The following TIMMDC1 variants were observed in gnomAD, a reference collection of about 807,000 sequenced individuals.
TIMMDC1 encodes translocase of inner mitochondrial membrane domain containing 1, also known as complex I assembly factor TIMMDC1, mitochondrial.
TIMMDC1 carries 25 observed loss-of-function variants against 32.6 expected under a neutral mutation model. The ratio of observed to expected loss-of-function variants is 0.77; its 90% CI spans 0.56 to 1.07. TIMMDC1 has a LOEUF of 1.07. Among genes scored for constraint, TIMMDC1 ranks in the 50% least tolerant of loss-of-function variants. TIMMDC1 has a pLI of 0.00. For synonymous variants in TIMMDC1, 130 were observed against 127.6 expected, an observed-to-expected ratio of 1.02 and a Z score of -0.13; for missense variants, 329 against 349.2, an observed-to-expected ratio of 0.94 and a Z score of 0.46.
intron 5 of TIMMDC1, among the ~76,000 whole-genome samples, chr3:119,514,900 T>C (rs2081975305): frequency 6.6e-6 from 1 of 152,120 alleles, no homozygotes; most frequent in Admixed American, 6.6e-5. Flanking sequence ...CAGAATTTAG[T>C]TCCTTGTGGC....
intron 1 of TIMMDC1, among the ~76,000 whole-genome samples, chr3:119,499,365 G>C (rs1039593745): frequency 2.7e-5 from 4 of 150,346 alleles, no homozygotes; most frequent in Non-Finnish European, 5.9e-5. Context: ...CTCCCAAAGT[G>C]CTGGGATTAC....
intron 2 of TIMMDC1, among the ~76,000 whole-genome samples, chr3:119,503,204 G>A (rs982770355): frequency 2.0e-5 from 3 of 152,064 alleles, no homozygotes; most frequent in African/African-American, 7.2e-5. Context: ...CGGTTTTTTG[G>A]ATTTGGGATG....
At chr3:119,503,737 C>CT in intron 3 of TIMMDC1, 117 bp downstream of exon 3, 1 of 734,036 alleles carries the variant, frequency 1.4e-6, no homozygotes. Flanking sequence ...ATTAATAATG[C>CT]CTTTTTTTTT....
intron 2 of TIMMDC1, 92 bp from the exon 3 acceptor site, chr3:119,503,440 C>T: frequency 3.4e-6 from 3 of 879,500 alleles, no homozygotes; most frequent in South Asian, 1.8e-5. Flanking sequence ...GTGTACCTGA[C>T]TAATCCATAG....
At chr3:119,514,300 T>G (rs1218008797) in intron 5 of TIMMDC1, among the ~76,000 whole-genome samples, 2 of 152,202 alleles carry the variant, frequency 1.3e-5, no homozygotes, top group African/African-American at 4.8e-5. Context: ...TCCATATCTA[T>G]GTATATGTGT....
rs1373574092 is a variant in TIMMDC1, at chr3:119,500,829, C to T, written c.329C>T (p.Ala110Val). Reference sequence around the variant, plus strand: ...CAACAATACATTGAGCAGAGCCAGGCAGAAATTTATCATAACCGGTTTGAT... The same window carrying T: ...CAACAATACATTGAGCAGAGCCAGGTAGAAATTTATCATAACCGGTTTGAT... ...AKQQYIEQSQ[A>V]EIYHNRFDAV... The change falls in exon 2 of 7, where the codon GCA (alanine) becomes GTA (valine). Residue 110 changes from alanine to valine, a missense_variant. Coordinates refer to ENST00000494664, the MANE Select transcript of TIMMDC1 (RefSeq NM_016589.4). 2 of 1,613,842 alleles carry T rather than the reference C, an allele frequency of 1.2e-6. No homozygotes were observed. The highest frequency in any genetic ancestry group is 1.7e-6 in the Non-Finnish European group (2 of 1,179,930).
At chr3:119,522,804 T>TGTGTGTGTGTG (rs1553780708) in intron 6 of TIMMDC1, among the ~76,000 whole-genome samples, 2 of 148,650 alleles carry the variant, frequency 1.3e-5, no homozygotes, top group Non-Finnish European at 3.0e-5. Flanking sequence ...GTATGGGTGT[T>TGTGTGTGTGTG]TGTGTGTGTG....
intron 1 of TIMMDC1, 130 bp from the exon 2 acceptor site, chr3:119,500,565 C>A (rs922377603): frequency 2.6e-6 from 2 of 783,716 alleles, no homozygotes; most frequent in African/African-American, 1.8e-5. Flanking sequence ...CTGTTTAATT[C>A]ATCTGAGAAT....
chr3:119,500,209 A>G (rs2081860207), intron 1 of TIMMDC1, among the ~76,000 whole-genome samples: 1 of 152,242 alleles, frequency 6.6e-6, no homozygotes, highest in Non-Finnish European at 1.5e-5. Context: ...TGTGATTTCT[A>G]AAAGTTAACT....
chr3:119,506,343 A>G (rs1332182323), intron 4 of TIMMDC1, among the ~76,000 whole-genome samples: 2 of 152,112 alleles, frequency 1.3e-5, no homozygotes, highest in African/African-American at 4.8e-5. Flanking sequence ...GGCAACAAAC[A>G]TGGCAAGACC....
chr3:119,519,529 A>T (rs2082009838), intron 6 of TIMMDC1, among the ~76,000 whole-genome samples: 1 of 152,206 alleles, frequency 6.6e-6, no homozygotes, highest in Non-Finnish European at 1.5e-5. Context: ...ATATAATGGT[A>T]AAGAGATCAA....
chr3:119,511,264 G>C (rs2081950229), intron 4 of TIMMDC1, among the ~76,000 whole-genome samples: 1 of 152,076 alleles, frequency 6.6e-6, no homozygotes, highest in East Asian at 1.9e-4. Context: ...GATCACTTGA[G>C]ATCAGGAGTT....
chr3:119,517,765 C>T (rs138516867), intron 6 of TIMMDC1, among the ~76,000 whole-genome samples: 63 of 152,136 alleles, frequency 4.1e-4, no homozygotes, highest in African/African-American at 1.1e-3. Flanking sequence ...GTCAGGAGTT[C>T]GAGACCAGCC....
At position 119,498,651 on chromosome 3, in the gene TIMMDC1, G is replaced by A; in HGVS notation, c.-83G>A. On this transcript the variant is annotated 5_prime_UTR_variant, in exon 1 of 7. Coordinates refer to ENST00000494664, the MANE Select transcript of TIMMDC1 (RefSeq NM_016589.4). The stretch of plus-strand genomic sequence containing the variant: ...GGTCAAATGCACGGATTCTCACCTC[G>A]TACAGTTACGCTCTCCCGCGGCACG... 2.9e-6 allele frequency: 4 copies of A among 1,384,142 alleles called. No individual in the cohort carries two copies. Among genetic ancestry groups the A allele is most frequent in the Non-Finnish European group, 4.0e-6 (4 of 991,432 alleles). The allele number at this position is 1,384,142 out of a possible 1,614,324, so 85.7% of individuals were successfully genotyped here. A position where few individuals can be genotyped will look rare whatever the true frequency, so the allele number is the denominator to read the frequency against.
chr3:119,509,672 A>G lies in TIMMDC1; in HGVS notation c.518-3969A>G, dbSNP rs118137841. 8.0e-4 allele frequency among the ~76,000 whole-genome samples: 120 copies of G among 150,532 alleles called. 4 individuals carry two copies. In the East Asian group the frequency reaches 0.022, roughly 28 times the overall value. On this transcript the variant is annotated intron_variant, in intron 4 of 6. Transcript: ENST00000494664. ...AATTGGATTTTGGTGATGATTATATAGCAATGCAACTAAATTTTTTTTTTT... is the reference window on the plus strand; with the variant it reads ...AATTGGATTTTGGTGATGATTATATGGCAATGCAACTAAATTTTTTTTTTT...
At chr3:119,503,680 C>A in intron 3 of TIMMDC1, 60 bp downstream of exon 3, 1 of 1,358,778 alleles carries the variant, frequency 7.4e-7, no homozygotes, top group Non-Finnish European at 1.0e-6. Context: ...AGGAGTGTGT[C>A]TTTTGAGCAG....
intron 5 of TIMMDC1, 96 bp downstream of exon 5, chr3:119,513,815 T>C: frequency 1.3e-6 from 1 of 761,276 alleles, no homozygotes; most frequent in South Asian, 2.1e-5. Flanking sequence ...ACAAATTTAA[T>C]CCTTAGAATC....
At chr3:119,507,303 G>GTGTT (rs748852694) in intron 4 of TIMMDC1, among the ~76,000 whole-genome samples, 20 of 152,154 alleles carry the variant, frequency 1.3e-4, no homozygotes, top group Admixed American at 1.3e-4. Flanking sequence ...ATTTTATTCT[G>GTGTT]TGTTTGTTTG....
At chr3:119,517,069 C>G (rs1190922548) in intron 5 of TIMMDC1, 136 bp from the exon 6 acceptor site, 9 of 507,642 alleles carry the variant, frequency 1.8e-5, no homozygotes, top group Non-Finnish European at 3.2e-5. Flanking sequence ...GACAAGGACA[C>G]TTTAATTCTC....
Sources: gnomAD v4.1 joint callset for allele counts (sites outside exome capture counted in the v4.1 genomes callset) on GRCh38, gnomAD v4.1.1 for gene constraint, MANE v1.5 for transcripts, NCBI Gene and HGNC (gene_info 2026-07-23, HGNC 2026-07-21) for gene names.